RPTOR: variants seen among roughly 807,000 people sequenced by gnomAD.
RPTOR encodes the protein regulatory associated protein of MTOR complex 1.
Under a neutral mutation model 169.9 loss-of-function variants are expected in RPTOR, and 21 were observed. That is an observed-to-expected ratio of 0.12 (90% CI 0.09 to 0.18). The LOEUF (loss-of-function observed/expected upper bound fraction) is 0.18. RPTOR is among the 10% of genes least tolerant of loss of function. The pLI, the probability that RPTOR is intolerant of heterozygous loss-of-function variation, is 1.00. For missense variants in RPTOR, 1,133 were observed against 1,855.9 expected, an observed-to-expected ratio of 0.61 and a Z score of 7.16; for synonymous variants, 732 against 753.2, an observed-to-expected ratio of 0.97 and a Z score of 0.46.
intron 6 of RPTOR, among the ~76,000 whole-genome samples, chr17:80,772,187 C>A (rs747265878): frequency 6.6e-6 from 1 of 152,252 alleles, no homozygotes; most frequent in African/African-American, 2.4e-5. Context: ...AGGCCAGAGT[C>A]GAAATCTGTT....
At chr17:80,952,536 G>A (rs1455632560) in intron 28 of RPTOR, among the ~76,000 whole-genome samples, 2 of 152,226 alleles carry the variant, frequency 1.3e-5, no homozygotes, top group Non-Finnish European at 2.9e-5. Context: ...TGCCCAGTTG[G>A]GCACACCCAG....
chr17:80,711,804 C>T (rs1327023097), intron 4 of RPTOR, among the ~76,000 whole-genome samples: 1 of 126,556 alleles, frequency 7.9e-6, no homozygotes, highest in Non-Finnish European at 1.6e-5. Flanking sequence ...GTAACAGTGG[C>T]GTGATCTTGG....
intron 24 of RPTOR, among the ~76,000 whole-genome samples, chr17:80,930,324 A>AGCTCAGCTCATCCTCAGCTCCTCCTCT (rs1555636987): frequency 9.0e-6 from 1 of 110,592 alleles, no homozygotes; most frequent in African/African-American, 3.6e-5. Flanking sequence ...AGCTCAGCTC[A>AGCTCAGCTCATCCTCAGCTCCTCCTCT]GCTCATCCTC....
At chr17:80,752,680 T>A (rs2066641717) in intron 5 of RPTOR, among the ~76,000 whole-genome samples, 1 of 152,228 alleles carries the variant, frequency 6.6e-6, no homozygotes, top group Non-Finnish European at 1.5e-5. Context: ...GTATAATTAG[T>A]CCTTGGTGGT....
At chr17:80,590,399 G>A (rs1248346372) in intron 1 of RPTOR, among the ~76,000 whole-genome samples, 3 of 151,104 alleles carry the variant, frequency 2.0e-5, no homozygotes, top group African/African-American at 7.3e-5. Context: ...GGTGAAGTAG[G>A]CATGCAGGTA....
chr17:80,670,307 G>A (rs974712784), intron 3 of RPTOR, among the ~76,000 whole-genome samples: 5 of 152,132 alleles, frequency 3.3e-5, no homozygotes, highest in Non-Finnish European at 5.9e-5. Flanking sequence ...CCTTGTCCGT[G>A]TCGGGAATTT....
intron 3 of RPTOR, among the ~76,000 whole-genome samples, chr17:80,698,754 C>A (rs1885651181): frequency 6.6e-6 from 1 of 152,236 alleles, no homozygotes; most frequent in Non-Finnish European, 1.5e-5. Context: ...CCGTGAAAGA[C>A]AAGCCTGTTC....
At position 80,654,138 on chromosome 17, in the gene RPTOR, A is replaced by G. The variant is rs569707638; in HGVS notation, c.348+10328A>G. Among the ~76,000 whole-genome samples, 3 of 152,326 alleles carry G rather than the reference A, an allele frequency of 2.0e-5. No homozygotes were observed. The East Asian group carries it at 5.8e-4, about 29-fold the overall frequency. ...CAAGAGGAGAGAGAGGGTGCACTTGATCCAGTGCCGGGTGATGGTGGCCCC... is the reference window on the plus strand; with the variant it reads ...CAAGAGGAGAGAGAGGGTGCACTTGGTCCAGTGCCGGGTGATGGTGGCCCC... On this transcript the variant is annotated intron_variant, in intron 3 of 33. Coordinates refer to ENST00000306801, the MANE Select transcript of RPTOR (RefSeq NM_020761.3).
chr17:80,706,624 C>G (rs760515028), intron 3 of RPTOR, among the ~76,000 whole-genome samples: 6 of 152,238 alleles, frequency 3.9e-5, no homozygotes, highest in Non-Finnish European at 8.8e-5. Context: ...CCCCCAGCCT[C>G]GCTGTCTTAA....
intron 1 of RPTOR, among the ~76,000 whole-genome samples, chr17:80,598,930 T>TCTA (rs1276270841): frequency 9.5e-6 from 1 of 105,078 alleles, no homozygotes; most frequent in African/African-American, 4.0e-5. Context: ...CTATCTATCT[T>TCTA]TTTGAGACTG....
intron 28 of RPTOR, among the ~76,000 whole-genome samples, chr17:80,949,840 T>C (rs1598420006): frequency 6.6e-6 from 1 of 152,244 alleles, no homozygotes. Flanking sequence ...TGGGACAGCA[T>C]CACTGCTGGC....
chr17:80,695,508 G>A lies in RPTOR; in HGVS notation c.349-12333G>A, dbSNP rs956598089. On this transcript the variant is annotated intron_variant, in intron 3 of 33. Transcript: ENST00000306801. The surrounding 1 kb of genome is among the most constrained non-coding windows in gnomAD (Gnocchi z 4.9). ...GTGGCTCACGTGTGGGCTCACCTGC[G>A]TCACTTCTCTCCAGCTCACCTCCAC... is the stretch of plus-strand genomic sequence containing the variant. Among the ~76,000 whole-genome samples the A allele has an allele frequency of 3.9e-5, 6 of 152,108 alleles. No individual in the cohort carries two copies. Among genetic ancestry groups the A allele is most frequent in the Admixed American group, 1.3e-4 (2 of 15,276 alleles).
chr17:80,615,473 T>C (rs1041595082), intron 1 of RPTOR, among the ~76,000 whole-genome samples: 11 of 152,162 alleles, frequency 7.2e-5, no homozygotes, highest in African/African-American at 2.4e-4. Flanking sequence ...TTGTCAAATA[T>C]ATGGAAGGTG....
intron 3 of RPTOR, among the ~76,000 whole-genome samples, chr17:80,679,882 C>T (rs1325039288): frequency 1.3e-5 from 2 of 150,430 alleles, no homozygotes; most frequent in Non-Finnish European, 3.0e-5. Context: ...AACAATTCCA[C>T]TCCCAGGCTG....
intron 17 of RPTOR, among the ~76,000 whole-genome samples, chr17:80,890,371 G>A (rs528863005): frequency 9.8e-5 from 15 of 152,370 alleles, no homozygotes; most frequent in Non-Finnish European, 1.9e-4. Flanking sequence ...GCCCCGTCTC[G>A]GCAGTGCCTC....
chr17:80,809,487 G>A (rs898989803), intron 7 of RPTOR, among the ~76,000 whole-genome samples: 13 of 152,158 alleles, frequency 8.5e-5, no homozygotes, highest in African/African-American at 2.9e-4. Context: ...TACCGCGTCC[G>A]GCCATCTTAC....
rs147865208 is a variant in RPTOR at position 80,938,429 on chromosome 17, G to A, written c.2920-2067G>A. On this transcript the variant is annotated intron_variant, in intron 24 of 33. Coordinates refer to ENST00000306801, the MANE Select transcript of RPTOR (RefSeq NM_020761.3). ...AGAGAAGCCCGAGTCTCATTAAAGT[G>A]CAATGTCTCTGTTCCTGCACAGCTT... 9.2e-5 allele frequency among the ~76,000 whole-genome samples: 14 copies of A among 152,342 alleles called. No individual in the cohort carries two copies. In the East Asian group the frequency reaches 2.5e-3, roughly 27 times the overall value.
intron 3 of RPTOR, among the ~76,000 whole-genome samples, chr17:80,667,713 G>T (rs2065791262): frequency 6.6e-6 from 1 of 152,140 alleles, no homozygotes; most frequent in Non-Finnish European, 1.5e-5. Flanking sequence ...GGTTTCATGG[G>T]ACAAATATGG....
chr17:80,909,230 A>ATT (rs11395577), intron 21 of RPTOR, among the ~76,000 whole-genome samples: 46 of 149,144 alleles, frequency 3.1e-4, no homozygotes, highest in Admixed American at 7.3e-4. Context: ...CCCTTCTTCC[A>ATT]TTTTTTTTTT....
Sources: gnomAD v4.1 joint callset for allele counts (sites outside exome capture counted in the v4.1 genomes callset) on GRCh38, gnomAD v4.1.1 for gene constraint, Gnocchi (gnomAD v3.1) non-coding constraint, MANE v1.5 for transcripts, NCBI Gene and HGNC (gene_info 2026-07-23, HGNC 2026-07-21) for gene names.